The following RFX1 variants were observed in gnomAD, a reference collection of about 807,000 sequenced individuals.
The protein encoded by RFX1 is MHC class II regulatory factor RFX1.
In RFX1, 42 loss-of-function variants were observed where a neutral mutation model predicts 119.6. The observed-to-expected ratio is 0.35, with a 90% CI of 0.27 to 0.45. The LOEUF (loss-of-function observed/expected upper bound fraction) is 0.45. Among genes scored for constraint, RFX1 ranks in the 20% least tolerant of loss-of-function variants. RFX1 has a pLI of 1.00. For synonymous variants in RFX1, 628 were observed against 618.5 expected (o/e 1.02, Z -0.23); for missense variants, 1,118 against 1,368.1 (o/e 0.82, Z 2.88).
chr19:13,970,280 G>T, intron 9 of RFX1, 105 bp from the exon 10 acceptor site: 1 of 953,534 alleles, frequency 1.0e-6, no homozygotes, highest in Non-Finnish European at 1.6e-6. Flanking sequence ...GATCCTGACA[G>T]CCACGCCCAC....
At chr19:13,964,412 G>T (rs1267707778) in intron 16 of RFX1, among the ~76,000 whole-genome samples, 1 of 142,294 alleles carries the variant, frequency 7.0e-6, no homozygotes, top group South Asian at 2.1e-4. Context: ...AAAAACGAAA[G>T]AACACAATAG....
At chr19:13,976,432 G>C (rs1011960350) in intron 8 of RFX1, among the ~76,000 whole-genome samples, 1 of 152,240 alleles carries the variant, frequency 6.6e-6, no homozygotes, top group South Asian at 2.1e-4. Context: ...GAGGACCCCC[G>C]GCGAGGAGCC....
In RFX1 at chr19:13,979,482, C is replaced by A. The variant is rs1974360928; in HGVS notation, c.799G>T (p.Val267Leu). 3 of 1,599,616 alleles carry A rather than the reference C, an allele frequency of 1.9e-6. No homozygotes were observed. The highest frequency in any genetic ancestry group is 2.2e-5 in the South Asian group (2 of 89,460). The stretch of plus-strand genomic sequence containing the variant: ...ACGTGGACTGGCTGGAGGCCCTGCA[C>A]GGTCAGCGGCTGCACCGGGCCGGGT... ...PKPGPVQPLT[V>L]QGLQPVHVAQ... Residue 267 changes from valine to leucine, a missense_variant, in exon 7 of 21, where the codon GTG (valine) becomes TTG (leucine). This residue lies in a region of RFX1 where 542 missense variants were observed against 602.7 expected (regional missense o/e 0.90). Coordinates refer to ENST00000254325, the MANE Select transcript of RFX1 (RefSeq NM_002918.5).
In RFX1 at chr19:13,980,628, A is replaced by G; in HGVS notation, c.683T>C (p.Val228Ala). Residue 228 changes from valine to alanine, a missense_variant, in exon 6 of 21, where the codon GTG (valine) becomes GCG (alanine). This residue lies in a region of RFX1 where 542 missense variants were observed against 602.7 expected (regional missense o/e 0.90). Transcript: ENST00000254325. This position sits in a 1 kb window ranked among gnomAD's most constrained non-coding sequence, Gnocchi z 5.1. ...SKTAGAPTGT[V>A]PQQLQVHGVQ... ...GCCGTGGACCTGCAGCTGCTGTGGCACTGTGCCCGTGGGGGCCCCGGCTGT... is the reference window on the plus strand; with the variant it reads ...GCCGTGGACCTGCAGCTGCTGTGGCGCTGTGCCCGTGGGGGCCCCGGCTGT... 1.9e-6 allele frequency: 3 copies of G among 1,584,818 alleles called. No individual in the cohort carries two copies. The highest frequency in any genetic ancestry group is 2.6e-6 in the Non-Finnish European group (3 of 1,171,984).
chr19:13,971,868 C>T (rs1427839261), intron 9 of RFX1, among the ~76,000 whole-genome samples: 1 of 152,030 alleles, frequency 6.6e-6, no homozygotes, highest in African/African-American at 2.4e-5. Flanking sequence ...ATTAGCTGAG[C>T]GTGGTGGCAC....
In RFX1 at chr19:13,968,489, G is replaced by C. The variant is rs937535281; in HGVS notation, c.1732+76C>G. ...CTCCCCAGCTCAGAGGCTGCCTGCC[G>C]CCATCCAGCTTTGGGAACCGTCTGC... On this transcript the variant is annotated intron_variant, in intron 12 of 20. Coordinates refer to ENST00000254325, the MANE Select transcript of RFX1 (RefSeq NM_002918.5). The surrounding 1 kb of genome is among the most constrained non-coding windows in gnomAD (Gnocchi z 5.5). 1 of 1,227,852 alleles carries C rather than the reference G, an allele frequency of 8.1e-7. No individual in the cohort carries two copies. Among genetic ancestry groups the C allele is most frequent in the Non-Finnish European group, 1.2e-6 (1 of 834,508 alleles). 76.1% of individuals were successfully genotyped at this position (1,227,852 alleles called of 1,614,324 possible). A position where few individuals can be genotyped will look rare whatever the true frequency, so the allele number is the denominator to read the frequency against.
At chr19:13,999,480 A>C (rs561558494) in intron 1 of RFX1, among the ~76,000 whole-genome samples, 1 of 152,370 alleles carries the variant, frequency 6.6e-6, no homozygotes, top group Admixed American at 6.5e-5. Flanking sequence ...CAATAGGTAA[A>C]CAAATGAGCA....
intron 2 of RFX1, among the ~76,000 whole-genome samples, chr19:13,984,797 G>A (rs1974542593): frequency 6.6e-6 from 1 of 152,204 alleles, no homozygotes; most frequent in South Asian, 2.1e-4. Context: ...AGTTATCACT[G>A]CAGACACTAG....
Position 13,965,783 on chromosome 19 carries a change from G to A in RFX1, c.1962-6C>T. 1 of 1,613,216 alleles carries A rather than the reference G, an allele frequency of 6.2e-7. No homozygotes were observed. On this transcript the variant is annotated splice_region_variant and splice_polypyrimidine_tract_variant and intron_variant, in intron 14 of 20. Coordinates refer to ENST00000254325, the MANE Select transcript of RFX1 (RefSeq NM_002918.5). This position sits in a 1 kb window ranked among gnomAD's most constrained non-coding sequence, Gnocchi z 4.7. ...GCTTCTCGGCCTCGTCATGTCTGCG[G>A]GCACCCACCCCACCCCGGGTCACTG... is the stretch of plus-strand genomic sequence containing the variant.
Position 13,965,298 on chromosome 19 carries a change from G to C in RFX1, c.2211+151C>G, listed in dbSNP as rs182426517. 1 of 707,298 alleles carries C rather than the reference G, an allele frequency of 1.4e-6. No individual in the cohort carries two copies. The highest frequency in any genetic ancestry group is 2.4e-5 in the Admixed American group (1 of 42,094). The allele number at this position is 707,298 out of a possible 1,614,324, so 43.8% of individuals were successfully genotyped here. A position where few individuals can be genotyped will look rare whatever the true frequency, so the allele number is the denominator to read the frequency against. The stretch of plus-strand genomic sequence containing the variant: ...ACTGGTTTATAAAGACAATGCCCAG[G>C]GTGCTCCCCGAGGCGGAGAAGGTCT... On this transcript the variant is annotated intron_variant, in intron 16 of 20. Transcript: ENST00000254325. This position sits in a 1 kb window ranked among gnomAD's most constrained non-coding sequence, Gnocchi z 4.7.
chr19:13,975,002 C>T (rs1173292550), intron 8 of RFX1, among the ~76,000 whole-genome samples: 1 of 148,176 alleles, frequency 6.7e-6, no homozygotes, highest in African/African-American at 2.5e-5. Context: ...TGAGATCATG[C>T]CACTGCACTC....
intron 17 of RFX1, 27 bp downstream of exon 17, chr19:13,963,831 G>GCCCCCCCCCCC: frequency 1.3e-6 from 2 of 1,487,638 alleles, no homozygotes; most frequent in Non-Finnish European, 1.8e-6. Flanking sequence ...CCCCTCATTC[G>GCCCCCCCCCCC]CCCGCCCCGC....
chr19:13,976,530 A>T (rs1974257811), intron 8 of RFX1, among the ~76,000 whole-genome samples: 1 of 152,146 alleles, frequency 6.6e-6, no homozygotes, highest in Admixed American at 6.5e-5. Flanking sequence ...CAGGGAGGGG[A>T]AGAAGCCCCC....
At chr19:13,981,031 G>A (rs1187953101) in intron 5 of RFX1, among the ~76,000 whole-genome samples, 1 of 152,186 alleles carries the variant, frequency 6.6e-6, no homozygotes, top group African/African-American at 2.4e-5. Context: ...ATATTGGGCC[G>A]ACTCCCACCA....
rs1217137020 is a variant in RFX1, at chr19:13,962,647, C to G, written c.*48G>C. 2 of 936,566 alleles carry G rather than the reference C, an allele frequency of 2.1e-6. No individual in the cohort carries two copies. Among genetic ancestry groups the G allele is most frequent in the African/African-American group, 3.9e-5 (1 of 25,736 alleles). The allele number at this position is 936,566 out of a possible 1,614,324, so 58.0% of individuals were successfully genotyped here. On this transcript the variant is annotated 3_prime_UTR_variant, in exon 21 of 21. Transcript: ENST00000254325. ...GAAGCCACAGAAGCTTTGAGGGACC[C>G]TGGCGTGGAGGGGTGGCGGGGGCGG...
At chr19:13,974,209 G>A (rs146962315) in intron 8 of RFX1, among the ~76,000 whole-genome samples, 17 of 152,290 alleles carry the variant, frequency 1.1e-4, no homozygotes, top group African/African-American at 3.6e-4. Context: ...CAGGAAGGGG[G>A]TGGGGCTAGA....
intron 7 of RFX1, 61 bp from the exon 8 acceptor site, chr19:13,978,147 C>T (rs918074006): frequency 1.5e-6 from 2 of 1,304,306 alleles, no homozygotes; most frequent in Admixed American, 1.8e-5. Context: ...GGTTCTCCCT[C>T]TAAAGGGCTG....
chr19:13,983,564 C>T lies in RFX1; in HGVS notation c.351G>A (p.Ser117=), dbSNP rs1210326406. The T allele has an allele frequency of 4.3e-6, 7 of 1,609,894 alleles. No individual in the cohort carries two copies. In the African/African-American group the frequency reaches 5.3e-5, roughly 12 times the overall value. The part of the protein sequence containing the change: ...EGAMRASETV[S]EASPGSTASQ... ...TGGCGGTGGAGCCGGGGCTGGCCTC[C>T]GACACTGTCTCGCTGGCCCGCATGG... Residue 117 remains serine (S), a synonymous_variant, in exon 3 of 21, where the codon TCG becomes TCA. Coordinates refer to ENST00000254325, the MANE Select transcript of RFX1 (RefSeq NM_002918.5).
rs906005872 is a variant in RFX1, at chr19:13,962,557, G to A, written c.*138C>T. 22 of 684,618 alleles carry A rather than the reference G, an allele frequency of 3.2e-5. No homozygotes were observed. Among genetic ancestry groups the A allele is most frequent in the Non-Finnish European group, 5.1e-5 (22 of 430,768 alleles). The allele number at this position is 684,618 out of a possible 1,614,324, so 42.4% of individuals were successfully genotyped here. A position where few individuals can be genotyped will look rare whatever the true frequency, so the allele number is the denominator to read the frequency against. Reference sequence around the variant, plus strand: ...TTGTGCCGGCCCCATAAGGGAGGAGGGCCCCGGTCTTCCCTGTCTCGGAGT... The same window carrying A: ...TTGTGCCGGCCCCATAAGGGAGGAGAGCCCCGGTCTTCCCTGTCTCGGAGT... On this transcript the variant is annotated 3_prime_UTR_variant, in exon 21 of 21. Transcript: ENST00000254325.
Sources: allele counts gnomAD v4.1 joint callset (sites outside exome capture counted in the v4.1 genomes callset), GRCh38; gene constraint gnomAD v4.1.1; regional missense constraint gnomAD v4.1.1; non-coding constraint Gnocchi (gnomAD v3.1); transcripts MANE v1.5; gene names NCBI Gene and HGNC (gene_info 2026-07-23, HGNC 2026-07-21).